Variants in TMEM132D observed in about 807,000 individuals in gnomAD.
TMEM132D encodes the protein mature OL transmembrane protein.
A neutral mutation model predicts 62.3 loss-of-function variants in TMEM132D; 21 were observed. That is an observed-to-expected ratio of 0.34 (90% confidence interval 0.24 to 0.49). TMEM132D has a LOEUF of 0.49. TMEM132D is among the 20% of genes least tolerant of loss of function. TMEM132D has a pLI of 0.99. For synonymous variants in TMEM132D, 621 were observed against 575.6 expected (o/e 1.08, Z -1.13); for missense variants, 1,346 against 1,402.8 (o/e 0.96, Z 0.65).
chr12:129,225,612 C>A (rs180875123), intron 4 of TMEM132D, among the ~76,000 whole-genome samples: 2 of 152,130 alleles, frequency 1.3e-5, no homozygotes, highest in African/African-American at 2.4e-5. Flanking sequence ...AGTTCTTATG[C>A]GGATCCAATG....
At chr12:129,664,421 A>ATTTTTTTTTTTTTTTTTTTTTTTTTTTT (rs34308998) in intron 2 of TMEM132D, among the ~76,000 whole-genome samples, 1 of 114,224 alleles carries the variant, frequency 8.8e-6, no homozygotes, top group Non-Finnish European at 1.7e-5. Flanking sequence ...AATTACAAGA[A>ATTTTTTTTTTTTTTTTTTTTTTTTTTTT]TTTTTTTTTT....
intron 2 of TMEM132D, among the ~76,000 whole-genome samples, chr12:129,637,305 T>G (rs960147601): frequency 6.6e-6 from 1 of 152,210 alleles, no homozygotes; most frequent in Non-Finnish European, 1.5e-5. Flanking sequence ...GTCTCAGAAT[T>G]TCATGGTGTT....
At chr12:129,766,115 G>T (rs554936356) in intron 1 of TMEM132D, among the ~76,000 whole-genome samples, 67 of 152,246 alleles carry the variant, frequency 4.4e-4, no homozygotes, top group African/African-American at 1.5e-3. Flanking sequence ...CCTACACATT[G>T]TCCAGGAAAG....
intron 4 of TMEM132D, among the ~76,000 whole-genome samples, chr12:129,247,332 A>G (rs1880149213): frequency 6.6e-6 from 1 of 152,200 alleles, no homozygotes; most frequent in Non-Finnish European, 1.5e-5. Context: ...ATCTGGTTCC[A>G]AAATGGTGCC....
intron 1 of TMEM132D, among the ~76,000 whole-genome samples, chr12:129,787,762 AT>A (rs1871283042): frequency 6.6e-6 from 1 of 152,194 alleles, no homozygotes. Context: ...AAGAGTGGGC[AT>A]GAGGACCACA....
intron 1 of TMEM132D, among the ~76,000 whole-genome samples, chr12:129,808,657 T>C (rs1236790861): frequency 2.6e-5 from 4 of 152,178 alleles, no homozygotes; most frequent in African/African-American, 9.7e-5. Flanking sequence ...TTCTGAGTAT[T>C]TTCAAACCTG....
At chr12:129,520,548 T>C (rs1168583239) in intron 3 of TMEM132D, among the ~76,000 whole-genome samples, 4 of 152,194 alleles carry the variant, frequency 2.6e-5, no homozygotes, top group South Asian at 2.1e-4. Flanking sequence ...TAAAGGAGCA[T>C]GTAAGTGACC....
At chr12:129,590,325 G>A (rs769161809) in intron 2 of TMEM132D, among the ~76,000 whole-genome samples, 1 of 152,116 alleles carries the variant, frequency 6.6e-6, no homozygotes, top group Non-Finnish European at 1.5e-5. Context: ...ACACCGCCAC[G>A]GCTGGAACAG....
intron 1 of TMEM132D, among the ~76,000 whole-genome samples, chr12:129,721,398 C>G (rs1868824138): frequency 6.6e-6 from 1 of 152,170 alleles, no homozygotes; most frequent in Non-Finnish European, 1.5e-5. Context: ...GGGTCTTTCT[C>G]TTGGTGCCCA....
chr12:129,224,277 T>C (rs1220048039), intron 4 of TMEM132D, among the ~76,000 whole-genome samples: 1 of 152,198 alleles, frequency 6.6e-6, no homozygotes, highest in Admixed American at 6.5e-5. Flanking sequence ...CTTGCCATTT[T>C]CCCGGGGATC....
intron 3 of TMEM132D, among the ~76,000 whole-genome samples, chr12:129,355,485 T>A (rs1308850727): frequency 6.6e-6 from 1 of 152,004 alleles, no homozygotes; most frequent in Non-Finnish European, 1.5e-5. Flanking sequence ...TTTTTCCAGA[T>A]GGTACTCTAA....
intron 1 of TMEM132D, among the ~76,000 whole-genome samples, chr12:129,755,268 G>A (rs951796823): frequency 4.6e-5 from 7 of 152,122 alleles, no homozygotes; most frequent in African/African-American, 1.7e-4. Flanking sequence ...CTCTCCAAAG[G>A]TTTTTTGAGC....
chr12:129,490,270 CAAT>C (rs1295337671), intron 3 of TMEM132D, among the ~76,000 whole-genome samples: 3 of 152,024 alleles, frequency 2.0e-5, no homozygotes, highest in Non-Finnish European at 4.4e-5. Flanking sequence ...TCAGTGCACT[CAAT>C]AATATTTGCC....
chr12:129,209,196 G>T (rs1355845827), intron 5 of TMEM132D, among the ~76,000 whole-genome samples: 1 of 152,078 alleles, frequency 6.6e-6, no homozygotes, highest in Non-Finnish European at 1.5e-5. Context: ...CCCTGCCTGG[G>T]GTGGGTGGAG....
At chr12:129,150,268 C>T (rs1481706041) in intron 5 of TMEM132D, among the ~76,000 whole-genome samples, 1 of 152,188 alleles carries the variant, frequency 6.6e-6, no homozygotes, top group African/African-American at 2.4e-5. Flanking sequence ...GAAGTCACTC[C>T]AGCTTCCCAG....
At chr12:129,865,969 C>T (rs368154793) in intron 1 of TMEM132D, among the ~76,000 whole-genome samples, 4 of 152,084 alleles carry the variant, frequency 2.6e-5, no homozygotes, top group African/African-American at 9.7e-5. Context: ...TGTCTCAGAT[C>T]GTGTGCCTAA....
At position 129,173,296 on chromosome 12, in the gene TMEM132D, G is replaced by A. The variant is rs149246804; in HGVS notation, c.1443+36224C>T. On this transcript the variant is annotated intron_variant, in intron 5 of 8. Transcript: ENST00000422113. ...TTAATAAGCCTTGGATATAAGAAAAGTCTTCAAAATGGGCTGTTTTCAGCA... is the reference window on the plus strand; with the variant it reads ...TTAATAAGCCTTGGATATAAGAAAAATCTTCAAAATGGGCTGTTTTCAGCA... Among the ~76,000 whole-genome samples, 33 of 152,292 alleles carry A rather than the reference G, an allele frequency of 2.2e-4. 1 individual carries two copies. The East Asian group carries it at 5.4e-3, about 25-fold the overall frequency.
chr12:129,682,568 T>C (rs962865459), intron 2 of TMEM132D, among the ~76,000 whole-genome samples: 5 of 152,102 alleles, frequency 3.3e-5, no homozygotes, highest in Non-Finnish European at 5.9e-5. Context: ...TTAATGGCCT[T>C]TGGATGTCAC....
intron 2 of TMEM132D, among the ~76,000 whole-genome samples, chr12:129,584,872 G>A (rs1877979594): frequency 6.6e-6 from 1 of 152,216 alleles, no homozygotes; most frequent in South Asian, 2.1e-4. Flanking sequence ...TAGCAAAAGA[G>A]AGGGGAATCT....
Sources: allele counts gnomAD v4.1 joint callset (sites outside exome capture counted in the v4.1 genomes callset), GRCh38; gene constraint gnomAD v4.1.1; transcripts MANE v1.5; gene names NCBI Gene and HGNC (gene_info 2026-07-23, HGNC 2026-07-21).